Variants in ATP2B2 observed in about 807,000 individuals in gnomAD.
ATP2B2 encodes plasma membrane calcium-transporting ATPase 2.
A neutral mutation model predicts 120.0 loss-of-function variants in ATP2B2; 15 were observed. The observed-to-expected ratio is 0.12, with a 90% CI of 0.08 to 0.19. The LOEUF (loss-of-function observed/expected upper bound fraction) is 0.19, where lower values mean the gene tolerates loss of function less well. ATP2B2 is among the 10% of genes least tolerant of loss of function. ATP2B2 has a pLI of 1.00. For synonymous variants in ATP2B2, 694 were observed against 700.3 expected, an observed-to-expected ratio of 0.99 and a Z score of 0.14; for missense variants, 1,045 against 1,719.8, an observed-to-expected ratio of 0.61 and a Z score of 6.94.
At chr3:10,369,061 T>C (rs1330956693) in intron 12 of ATP2B2, among the ~76,000 whole-genome samples, 1 of 152,180 alleles carries the variant, frequency 6.6e-6, no homozygotes, top group Non-Finnish European at 1.5e-5. Flanking sequence ...AAATACAGCA[T>C]ATGGGAGCCC....
chr3:10,488,914 T>C (rs1375490380), intron 1 of ATP2B2, among the ~76,000 whole-genome samples: 1 of 152,134 alleles, frequency 6.6e-6, no homozygotes, highest in Non-Finnish European at 1.5e-5. Flanking sequence ...GCTCCTGTCA[T>C]TCTTCGAGGA....
intron 2 of ATP2B2, among the ~76,000 whole-genome samples, chr3:10,420,237 G>A (rs866082627): frequency 1.3e-5 from 2 of 152,244 alleles, no homozygotes; most frequent in Admixed American, 6.5e-5. Flanking sequence ...ACTGTGGGAA[G>A]CCATACCGCT....
intron 1 of ATP2B2, among the ~76,000 whole-genome samples, chr3:10,662,971 T>C (rs546236114): frequency 4.4e-4 from 66 of 151,696 alleles, no homozygotes; most frequent in African/African-American, 1.4e-3. Flanking sequence ...AAACCATCAT[T>C]CTCAGCAAAG....
chr3:10,645,118 G>T (rs58856591), intron 1 of ATP2B2, among the ~76,000 whole-genome samples: 1 of 151,996 alleles, frequency 6.6e-6, no homozygotes, highest in Non-Finnish European at 1.5e-5. Context: ...AAGAGAGAGA[G>T]AGAGAGAATG....
Position 10,326,904 on chromosome 3 carries a change from G to C in ATP2B2, c.*1910C>G, listed in dbSNP as rs1287267516. ...TTTGTGGAAGAGTTCTCTGGGCCTG[G>C]AGAAGGGAAGGGGCTGGGCTGACAC... On this transcript the variant is annotated 3_prime_UTR_variant, in exon 23 of 23. Transcript: ENST00000360273. The C allele has an allele frequency of 1.0e-5, 4 of 398,836 alleles. No homozygotes were observed. The highest frequency in any genetic ancestry group is 1.8e-5 in the Non-Finnish European group (4 of 226,032). 24.7% of individuals were successfully genotyped at this position (398,836 alleles called of 1,614,324 possible).
At chr3:10,478,545 C>T (rs906009217) in intron 1 of ATP2B2, among the ~76,000 whole-genome samples, 1 of 152,148 alleles carries the variant, frequency 6.6e-6, no homozygotes, top group South Asian at 2.1e-4. Flanking sequence ...TGAAATTCAA[C>T]CTCTAAGCTT....
At chr3:10,654,117 T>G (rs185198594) in intron 1 of ATP2B2, among the ~76,000 whole-genome samples, 2 of 152,326 alleles carry the variant, frequency 1.3e-5, no homozygotes, top group East Asian at 3.9e-4. Context: ...CAGGCTTTGT[T>G]GTTCTCCCTT....
intron 1 of ATP2B2, among the ~76,000 whole-genome samples, chr3:10,676,507 A>AGG (rs1407618226): frequency 6.6e-6 from 1 of 151,364 alleles, no homozygotes; most frequent in Non-Finnish European, 1.5e-5. Flanking sequence ...GGGGATGGGG[A>AGG]GGGAGGAGGG....
At chr3:10,493,777 T>C (rs1156372627) in intron 1 of ATP2B2, among the ~76,000 whole-genome samples, 1 of 152,058 alleles carries the variant, frequency 6.6e-6, no homozygotes, top group Non-Finnish European at 1.5e-5. Flanking sequence ...CTGGAGATCA[T>C]GACTCCAGAG....
At chr3:10,539,471 T>C (rs948429498) in intron 2 of ATP2B2, among the ~76,000 whole-genome samples, 5 of 152,176 alleles carry the variant, frequency 3.3e-5, no homozygotes, top group Admixed American at 2.0e-4. Flanking sequence ...GACTTCAAAC[T>C]ATACTACAAG....
chr3:10,459,626 G>A (rs557027013), intron 1 of ATP2B2, among the ~76,000 whole-genome samples: 1 of 152,338 alleles, frequency 6.6e-6, no homozygotes, highest in Admixed American at 6.5e-5. Context: ...GTCCTCTTCT[G>A]CCCTCATCCC....
In ATP2B2 at chr3:10,371,643, T is replaced by C. The variant is rs189455879; in HGVS notation, c.1659+166A>G. Among the ~76,000 whole-genome samples, 9 of 152,336 alleles carry C rather than the reference T, an allele frequency of 5.9e-5. No individual in the cohort carries two copies. In the East Asian group the frequency reaches 1.7e-3, roughly 29 times the overall value. ...TGTCACACAAACATTGTAGCAATAT[T>C]AATAGTATATTAACTCAAACAGAAA... On this transcript the variant is annotated intron_variant, in intron 12 of 22. Transcript: ENST00000360273.
chr3:10,674,522 G>C (rs1467080591), intron 1 of ATP2B2, among the ~76,000 whole-genome samples: 1 of 152,244 alleles, frequency 6.6e-6, no homozygotes, highest in East Asian at 1.9e-4. Context: ...CAGCTGCAAA[G>C]TGATGAGTGA....
intron 12 of ATP2B2, among the ~76,000 whole-genome samples, chr3:10,366,768 A>G (rs1559234861): frequency 6.6e-6 from 1 of 152,204 alleles, no homozygotes; most frequent in Non-Finnish European, 1.5e-5. Flanking sequence ...TCGGAGGAGC[A>G]GCAGGACAGC....
At chr3:10,666,472 T>C (rs560567273) in intron 1 of ATP2B2, among the ~76,000 whole-genome samples, 1 of 152,334 alleles carries the variant, frequency 6.6e-6, no homozygotes, top group African/African-American at 2.4e-5. Context: ...TAAGTCATTG[T>C]ACTCTCCACA....
At chr3:10,678,154 A>G (rs1288645806) in intron 1 of ATP2B2, among the ~76,000 whole-genome samples, 2 of 152,232 alleles carry the variant, frequency 1.3e-5, no homozygotes, top group Non-Finnish European at 2.9e-5. Flanking sequence ...TGGGATCGTA[A>G]AAAATGTTTT....
rs147535831 is a variant in ATP2B2, at chr3:10,604,248, C to T, written c.-415+15669G>A. Among the ~76,000 whole-genome samples, 466 of 152,264 alleles carry T rather than the reference C, an allele frequency of 3.1e-3. 1 individual carries two copies. Among genetic ancestry groups the T allele is most frequent in the Admixed American group, 4.6e-3 (70 of 15,292 alleles). On this transcript the variant is annotated intron_variant, in intron 2 of 21. Coordinates refer to the ATP2B2 transcript ENST00000646379. ...GTAGCCATGGCCCAGGTCACCATCA[C>T]CTTCTGCCTGGAGCCCTGTTAAGAC...
At chr3:10,705,323 T>C (rs766219765) in intron 1 of ATP2B2, among the ~76,000 whole-genome samples, 2 of 152,224 alleles carry the variant, frequency 1.3e-5, no homozygotes, top group East Asian at 1.9e-4. Flanking sequence ...GGACCTATTG[T>C]GGGGGTGGTA....
At chr3:10,539,705 C>G (rs987515677) in intron 2 of ATP2B2, among the ~76,000 whole-genome samples, 9 of 152,138 alleles carry the variant, frequency 5.9e-5, no homozygotes, top group African/African-American at 1.2e-4. Context: ...ACACCTTATA[C>G]AAAAATTAAT....
Sources: gnomAD v4.1 joint callset for allele counts (sites outside exome capture counted in the v4.1 genomes callset) on GRCh38, gnomAD v4.1.1 for gene constraint, MANE v1.5 for transcripts, NCBI Gene and HGNC (gene_info 2026-07-23, HGNC 2026-07-21) for gene names.